NRG3: variants seen among roughly 807,000 people sequenced by gnomAD.
The protein encoded by NRG3 is neuregulin 3.
In NRG3, 31 loss-of-function variants were observed where a neutral mutation model predicts 66.9. The ratio of observed to expected loss-of-function variants is 0.46; its 90% confidence interval spans 0.35 to 0.63. NRG3 has a LOEUF of 0.63. Among genes scored for constraint, NRG3 ranks in the 20% least tolerant of loss-of-function variants. The pLI is 0.00. For synonymous variants in NRG3, 393 were observed against 359.4 expected (o/e 1.09, Z -1.06); for missense variants, 910 against 878.9 (o/e 1.04, Z -0.45).
At chr10:82,711,535 TTGTG>T (rs10603040) in intron 2 of NRG3, among the ~76,000 whole-genome samples, 15,171 of 147,868 alleles carry the variant, frequency 0.1, 817 homozygotes, top group South Asian at 0.16. Flanking sequence ...ATCTGTGTGT[TTGTG>T]TGTGTGTGTG....
chr10:82,836,813 A>C (rs2062803545), intron 3 of NRG3, among the ~76,000 whole-genome samples: 1 of 151,746 alleles, frequency 6.6e-6, no homozygotes, highest in Non-Finnish European at 1.5e-5. Context: ...TACATGTGCC[A>C]CATGTGCCAT....
At chr10:82,806,261 T>C (rs891267795) in intron 3 of NRG3, among the ~76,000 whole-genome samples, 5 of 152,244 alleles carry the variant, frequency 3.3e-5, no homozygotes, top group Admixed American at 2.6e-4. Flanking sequence ...ATATGACTTA[T>C]AGGTCTTTTC....
intron 1 of NRG3, among the ~76,000 whole-genome samples, chr10:82,273,775 G>A (rs905976729): frequency 1.3e-5 from 2 of 151,924 alleles, no homozygotes; most frequent in African/African-American, 4.8e-5. Context: ...AAGAAAATCA[G>A]TTAATAAAAA....
intron 2 of NRG3, among the ~76,000 whole-genome samples, chr10:82,562,519 A>G (rs2045119293): frequency 6.6e-6 from 1 of 152,214 alleles, no homozygotes; most frequent in Non-Finnish European, 1.5e-5. Context: ...AAAAACTGAG[A>G]AAGTTTGGCA....
At chr10:82,140,891 A>G (rs1376695520) in intron 1 of NRG3, among the ~76,000 whole-genome samples, 1 of 152,142 alleles carries the variant, frequency 6.6e-6, no homozygotes, top group Non-Finnish European at 1.5e-5. Flanking sequence ...GAAACACTGG[A>G]TAGTGTTAGC....
intron 1 of NRG3, among the ~76,000 whole-genome samples, chr10:82,219,198 A>G (rs561247565): frequency 6.6e-6 from 1 of 150,400 alleles, no homozygotes; most frequent in Admixed American, 6.7e-5. Context: ...TAACATTATT[A>G]AATTTTTAGG....
intron 4 of NRG3, among the ~76,000 whole-genome samples, chr10:82,907,240 T>G (rs1844824969): frequency 6.6e-6 from 1 of 152,340 alleles, no homozygotes; most frequent in Middle Eastern, 3.4e-3. Flanking sequence ...TTATAATTTC[T>G]TTCCAGGTTT....
chr10:82,017,292 C>G (rs886960047), intron 1 of NRG3, among the ~76,000 whole-genome samples: 3 of 152,156 alleles, frequency 2.0e-5, no homozygotes. Context: ...GCATAGTATT[C>G]CATGGTGTAT....
intron 2 of NRG3, among the ~76,000 whole-genome samples, chr10:82,696,536 C>G (rs2055397392): frequency 6.6e-6 from 1 of 152,126 alleles, no homozygotes; most frequent in South Asian, 2.1e-4. Flanking sequence ...TCCGTATTGT[C>G]TAGAGCTAGC....
chr10:82,411,344 C>CGTTT (rs1487473183), intron 2 of NRG3, among the ~76,000 whole-genome samples: 2 of 152,098 alleles, frequency 1.3e-5, no homozygotes, highest in African/African-American at 4.8e-5. Context: ...TACCAAATGA[C>CGTTT]GTTTGTTTGT....
At chr10:81,885,534 T>A (rs1413874703) in intron 1 of NRG3, among the ~76,000 whole-genome samples, 1 of 152,224 alleles carries the variant, frequency 6.6e-6, no homozygotes, top group Non-Finnish European at 1.5e-5. Flanking sequence ...CATTGCTTAC[T>A]TGCTTGACAT....
chr10:82,624,409 T>A lies in NRG3; in HGVS notation c.954-114168T>A, dbSNP rs78083661. ...CACCAAATTTTGCCTTCCTTCCTTTTTCCCCCACCTTAACCATTCTCCTTT... is the reference window on the plus strand; with the variant it reads ...CACCAAATTTTGCCTTCCTTCCTTTATCCCCCACCTTAACCATTCTCCTTT... On this transcript the variant is annotated intron_variant, in intron 2 of 8. Transcript: ENST00000372141. Among the ~76,000 whole-genome samples, 26 of 152,234 alleles carry A rather than the reference T, an allele frequency of 1.7e-4. No homozygotes were observed. The East Asian group carries it at 5.0e-3, about 29-fold the overall frequency.
intron 2 of NRG3, among the ~76,000 whole-genome samples, chr10:82,483,273 G>C (rs1842429806): frequency 1.3e-5 from 2 of 152,168 alleles, no homozygotes; most frequent in African/African-American, 4.8e-5. Flanking sequence ...AACATGATTT[G>C]CATACAGAGT....
At chr10:82,342,314 T>TTC (rs1564814858) in intron 1 of NRG3, among the ~76,000 whole-genome samples, 1 of 152,110 alleles carries the variant, frequency 6.6e-6, no homozygotes, top group African/African-American at 2.4e-5. Flanking sequence ...CAAATGGTAG[T>TTC]TCTATTTTTA....
intron 3 of NRG3, among the ~76,000 whole-genome samples, chr10:82,812,746 C>T (rs1216825124): frequency 6.6e-6 from 1 of 152,150 alleles, no homozygotes; most frequent in African/African-American, 2.4e-5. Flanking sequence ...TGGCTTATCA[C>T]ACTCAAATAA....
chr10:82,026,342 T>C (rs1465463962), intron 1 of NRG3, among the ~76,000 whole-genome samples: 2 of 152,038 alleles, frequency 1.3e-5, no homozygotes, highest in African/African-American at 4.8e-5. Flanking sequence ...GTTGTGAAAA[T>C]ATTGTTATGG....
intron 2 of NRG3, among the ~76,000 whole-genome samples, chr10:82,603,693 G>C (rs1367004283): frequency 6.6e-6 from 1 of 152,086 alleles, no homozygotes; most frequent in Non-Finnish European, 1.5e-5. Context: ...CTCAGGTGAA[G>C]TTATTTTTAG....
At chr10:82,148,171 C>T (rs1375440013) in intron 1 of NRG3, among the ~76,000 whole-genome samples, 2 of 152,044 alleles carry the variant, frequency 1.3e-5, no homozygotes, top group African/African-American at 4.8e-5. Flanking sequence ...GTTGAACATT[C>T]TAATCAAAAA....
chr10:82,260,505 T>G (rs188778538), intron 1 of NRG3, among the ~76,000 whole-genome samples: 2 of 152,246 alleles, frequency 1.3e-5, no homozygotes, highest in East Asian at 1.9e-4. Flanking sequence ...CAATGACAGG[T>G]TGGGTAAAGA....
Sources: gnomAD v4.1 joint callset for allele counts (sites outside exome capture counted in the v4.1 genomes callset) on GRCh38, gnomAD v4.1.1 for gene constraint, MANE v1.5 for transcripts, NCBI Gene and HGNC (gene_info 2026-07-23, HGNC 2026-07-21) for gene names.